Variants in GRIA4 observed in about 807,000 individuals in gnomAD.
GRIA4 encodes the protein glutamate receptor 4.
A neutral mutation model predicts 104.0 loss-of-function variants in GRIA4; 34 were observed. That is an observed-to-expected ratio of 0.33 (90% CI 0.25 to 0.44). The LOEUF is 0.44. GRIA4 is among the 20% of genes least tolerant of loss of function. GRIA4 has a pLI of 1.00. For synonymous variants in GRIA4, 386 were observed against 381.9 expected (o/e 1.01, Z -0.13); for missense variants, 750 against 1,096.5 (o/e 0.68, Z 4.46).
intron 4 of GRIA4, among the ~76,000 whole-genome samples, chr11:105,820,998 T>G (rs1249347805): frequency 6.6e-6 from 1 of 152,116 alleles, no homozygotes; most frequent in Non-Finnish European, 1.5e-5. Flanking sequence ...TGTTATTGTT[T>G]TTGTGTTTAA....
At chr11:105,881,952 A>C (rs1946079872) in intron 5 of GRIA4, among the ~76,000 whole-genome samples, 2 of 152,180 alleles carry the variant, frequency 1.3e-5, no homozygotes, top group Admixed American at 1.3e-4. Flanking sequence ...TTGTAGTTTA[A>C]GTCTGTTGTT....
chr11:105,921,459 G>A (rs1947561596), intron 11 of GRIA4, among the ~76,000 whole-genome samples: 1 of 152,074 alleles, frequency 6.6e-6, no homozygotes, highest in African/African-American at 2.4e-5. Context: ...GAGAGGTCAT[G>A]AAACAATGCA....
intron 13 of GRIA4, among the ~76,000 whole-genome samples, chr11:105,931,279 C>T (rs574164778): frequency 6.6e-6 from 1 of 151,848 alleles, no homozygotes; most frequent in African/African-American, 2.4e-5. Context: ...CACACACACA[C>T]ACACACACAC....
At chr11:105,699,588 G>T (rs563939728) in intron 3 of GRIA4, among the ~76,000 whole-genome samples, 3 of 151,702 alleles carry the variant, frequency 2.0e-5, no homozygotes, top group Non-Finnish European at 4.4e-5. Flanking sequence ...CCTGTATTAC[G>T]ATGTAAGTTC....
chr11:105,972,549 G>A (rs995906791), intron 15 of GRIA4, among the ~76,000 whole-genome samples: 1 of 152,078 alleles, frequency 6.6e-6, no homozygotes, highest in African/African-American at 2.4e-5. Context: ...GAGAAACAGA[G>A]TGAACCTTTC....
rs563710311 is a variant in GRIA4 at position 105,874,310 on chromosome 11, T to G, written c.672+12102T>G. ...TAGGTACCAGTACCATGCTGTTTTG[T>G]TTACCATAGCTTTGTAGTATAGTTT... On this transcript the variant is annotated intron_variant, in intron 5 of 16. Transcript: ENST00000282499. Among the ~76,000 whole-genome samples, 22 of 152,176 alleles carry G rather than the reference T, an allele frequency of 1.4e-4. No homozygotes were observed. The East Asian group carries it at 3.9e-3, about 27-fold the overall frequency.
At chr11:105,855,376 T>C (rs1944972691) in intron 4 of GRIA4, among the ~76,000 whole-genome samples, 1 of 152,160 alleles carries the variant, frequency 6.6e-6, no homozygotes, top group South Asian at 2.1e-4. Flanking sequence ...TATATTTTAA[T>C]TCCCTTATAA....
chr11:105,841,134 T>C (rs1944376707), intron 4 of GRIA4, among the ~76,000 whole-genome samples: 1 of 152,148 alleles, frequency 6.6e-6, no homozygotes, highest in Non-Finnish European at 1.5e-5. Flanking sequence ...GGCTTCTCTT[T>C]CACCCTTGTT....
intron 3 of GRIA4, among the ~76,000 whole-genome samples, chr11:105,684,559 A>ATATG (rs1340237943): frequency 6.8e-6 from 1 of 147,170 alleles, no homozygotes; most frequent in Non-Finnish European, 1.5e-5. Flanking sequence ...ATATATATAT[A>ATATG]TACACACCTT....
chr11:105,965,869 A>G, intron 14 of GRIA4: 1 of 1,005,932 alleles, frequency 9.9e-7, no homozygotes, highest in Non-Finnish European at 1.5e-6. Context: ...AGAAGCTTAT[A>G]AAGAGCTTAA....
At chr11:105,741,296 G>A (rs1422496172) in intron 3 of GRIA4, among the ~76,000 whole-genome samples, 2 of 152,110 alleles carry the variant, frequency 1.3e-5, no homozygotes, top group Non-Finnish European at 2.9e-5. Context: ...AGTTTTAGGT[G>A]CAGAAGAGAC....
Position 105,980,226 on chromosome 11 carries a change from T to C in GRIA4, c.*487T>C, listed in dbSNP as rs376072098. On this transcript the variant is annotated 3_prime_UTR_variant, in exon 17 of 17. Transcript: ENST00000282499. ...GAGAAAACAAATCACTAAACTGTGATAAGAAAATAATGAACAAACATGTAA... is the reference window on the plus strand; with the variant it reads ...GAGAAAACAAATCACTAAACTGTGACAAGAAAATAATGAACAAACATGTAA... 9.9e-5 allele frequency: 15 copies of C among 151,258 alleles called. No homozygotes were observed. Among genetic ancestry groups the C allele is most frequent in the African/African-American group, 3.7e-4 (15 of 40,950 alleles). The allele number at this position is 151,258 out of a possible 1,614,324, so 9.4% of individuals were successfully genotyped here.
At chr11:105,748,657 A>T (rs1939815107) in intron 3 of GRIA4, among the ~76,000 whole-genome samples, 1 of 152,176 alleles carries the variant, frequency 6.6e-6, no homozygotes, top group African/African-American at 2.4e-5. Context: ...TACTGGGATT[A>T]CAGGCATGAG....
chr11:105,903,794 G>A lies in GRIA4; in HGVS notation c.886-20G>A, dbSNP rs1438501902. ...ATAAGATTTTAACATTTACCATTAT[G>A]TTCATTTTCATTTGGTTAGTACACC... On this transcript the variant is annotated intron_variant, in intron 7 of 16. Coordinates refer to ENST00000282499, the MANE Select transcript of GRIA4 (RefSeq NM_000829.4). 1 of 1,556,542 alleles carries A rather than the reference G, an allele frequency of 6.4e-7. No individual in the cohort carries two copies. Among genetic ancestry groups the A allele is most frequent in the South Asian group, 1.1e-5 (1 of 88,962 alleles).
intron 14 of GRIA4, among the ~76,000 whole-genome samples, chr11:105,951,534 T>TCAGTA (rs1303269804): frequency 6.6e-6 from 1 of 152,180 alleles, no homozygotes; most frequent in Non-Finnish European, 1.5e-5. Context: ...GGGACTTTAC[T>TCAGTA]GAGTATAGTC....
In GRIA4 at chr11:105,684,024, A is replaced by G. The variant is rs142847131; in HGVS notation, c.248-68957A>G. On this transcript the variant is annotated intron_variant, in intron 3 of 16. Transcript: ENST00000282499. ...TGAGTAGCTGGGATTACAGGCATGC[A>G]CCACCACACCAGGCTAATTTTGTAT... 4.5e-3 allele frequency among the ~76,000 whole-genome samples: 688 copies of G among 151,992 alleles called. 14 individuals are homozygous for G. The highest frequency in any genetic ancestry group is 0.016 in the African/African-American group (644 of 41,448).
chr11:105,976,536 T>TCGGCACTTTAAAAGACAG (rs1858990453), intron 16 of GRIA4, among the ~76,000 whole-genome samples: 1 of 152,038 alleles, frequency 6.6e-6, no homozygotes, highest in Admixed American at 6.5e-5. Context: ...ACAGTGGCAT[T>TCGGCACTTTAAAAGACAG]TGGGATAAAT....
At chr11:105,705,934 T>C (rs992609348) in intron 3 of GRIA4, among the ~76,000 whole-genome samples, 2 of 152,312 alleles carry the variant, frequency 1.3e-5, no homozygotes, top group Middle Eastern at 3.4e-3. Context: ...CTAATACACA[T>C]GCATGAGGTT....
At chr11:105,680,659 A>C (rs564426974) in intron 3 of GRIA4, among the ~76,000 whole-genome samples, 68 of 152,270 alleles carry the variant, frequency 4.5e-4, no homozygotes, top group African/African-American at 1.6e-3. Flanking sequence ...TTTTAAAAAA[A>C]TATATCTTCA....
Sources: allele counts gnomAD v4.1 joint callset (sites outside exome capture counted in the v4.1 genomes callset), GRCh38; gene constraint gnomAD v4.1.1; transcripts MANE v1.5; gene names NCBI Gene and HGNC (gene_info 2026-07-23, HGNC 2026-07-21).